PKD1: variants seen among roughly 807,000 people sequenced by gnomAD.
PKD1 encodes polycystin 1, transient receptor potential channel interacting.
Under a neutral mutation model 361.7 loss-of-function variants are expected in PKD1, and 81 were observed. The observed-to-expected ratio is 0.22, with a 90% CI of 0.19 to 0.27. The LOEUF (loss-of-function observed/expected upper bound fraction) is 0.27. PKD1 is among the 10% of genes least tolerant of loss of function. The pLI is 1.00. For synonymous variants in PKD1, 3,615 were observed against 2,818.3 expected, an observed-to-expected ratio of 1.28 and a Z score of -8.95; for missense variants, 6,399 against 6,118.3, an observed-to-expected ratio of 1.05 and a Z score of -1.53.
intron 29 of PKD1, 40 bp downstream of exon 29, chr16:2,099,821 C>G: frequency 3.9e-6 from 6 of 1,556,538 alleles, no homozygotes; most frequent in Non-Finnish European, 5.2e-6. Context: ...GCAGGAAGGG[C>G]TGGGCAGGAA....
intron 1 of PKD1, among the ~76,000 whole-genome samples, chr16:2,125,069 G>A (rs890359034): frequency 2.0e-5 from 3 of 152,246 alleles, no homozygotes; most frequent in Non-Finnish European, 2.9e-5. Context: ...CCCCTTCCTC[G>A]CTGGGCCAGC....
At position 2,117,663 on chromosome 16, in the gene PKD1, G is replaced by A. The variant is rs767579073; in HGVS notation, c.1211C>T (p.Pro404Leu). ...GATCTCCGTGTCCGAGGGGCAGAGC[G>A]GGTGCACCGCTGGAGACCGGTGGGA... ...LGEEPARAVH[P>L]LCPSDTEIFP... Residue 404 changes from proline (P) to leucine (L), a missense_variant, in exon 6 of 46, where the codon CCG (proline) becomes CTG (leucine). Transcript: ENST00000262304. 40 of 1,609,840 alleles carry A rather than the reference G, an allele frequency of 2.5e-5. No homozygotes were observed. Among genetic ancestry groups the A allele is most frequent in the East Asian group, 1.3e-4 (6 of 44,880 alleles).
rs547817567 is a variant in PKD1, at chr16:2,093,691, G to C, written c.10869C>G (p.His3623Gln). The C allele has an allele frequency of 1.9e-6, 3 of 1,602,274 alleles. No individual in the cohort carries two copies. Among genetic ancestry groups the C allele is most frequent in the Non-Finnish European group, 2.6e-6 (3 of 1,174,570 alleles). Residue 3623 changes from histidine (H) to glutamine (Q), a missense_variant, in exon 37 of 46, where the codon CAC (histidine) becomes CAG (glutamine). Physicochemically the swap from His to Gln is conservative, Grantham distance 24. Coordinates refer to ENST00000262304, the MANE Select transcript of PKD1 (RefSeq NM_001009944.3). ...LYFSLVAKRLHPDEDDTLVES... is the reference protein window; with the variant it reads ...LYFSLVAKRLQPDEDDTLVES... ...CTACCAGGGTGTCATCTTCATCCGG[G>C]TGCAGCCGCTTGGCCACCAGTGAGA...
In PKD1 at chr16:2,093,913, T is replaced by G; in HGVS notation, c.10719A>C (p.Ser3573=). ...GGGGGAAGCTCGCACCCACCCACCC[T>G]GAGACAGCCACAGCCACAGCCACCA... is the stretch of plus-strand genomic sequence containing the variant. The part of the protein sequence containing the change: ...LLLVAVAVAV[S]GWVGASFPPG... The change falls in exon 36 of 46, where the codon TCA becomes TCC. Residue 3573 remains serine (S), a synonymous_variant. Transcript: ENST00000262304. 2 of 1,581,810 alleles carry G rather than the reference T, an allele frequency of 1.3e-6. No homozygotes were observed. The highest frequency in any genetic ancestry group is 2.3e-5 in the South Asian group (2 of 87,986).
chr16:2,093,281 G>A (rs1210681246), intron 37 of PKD1, 188 bp from the exon 38 acceptor site: 3 of 734,712 alleles, frequency 4.1e-6, no homozygotes, highest in South Asian at 1.7e-5. Flanking sequence ...CCACCTGGGG[G>A]CAGACACACA....
In PKD1 at chr16:2,115,640, G is replaced by C; in HGVS notation, c.1850-15C>G. 6.3e-7 allele frequency: 1 copy of C among 1,596,122 alleles called. No individual in the cohort carries two copies. The highest frequency in any genetic ancestry group is 8.5e-7 in the Non-Finnish European group (1 of 1,175,874). On this transcript the variant is annotated splice_polypyrimidine_tract_variant and intron_variant, in intron 9 of 45. Transcript: ENST00000262304. ...CTCCGGGGTCCCTGTGAGGAGGGGA[G>C]GGTGTTGGGGCCCTGATTTGCCCAC...
chr16:2,109,847 G>A lies in PKD1; in HGVS notation c.5320C>T (p.Pro1774Ser), dbSNP rs772622026. ...GTCATGGTGACCAAGTGCAGGCCGG[G>A]TGTGGGGAAGCTATGGGTGGTAAAT... ...EPFTTHSFPT[P>S]GLHLVTMTAG... is the part of the protein sequence containing the mutation. The change falls in exon 15 of 46, where the codon CCC becomes TCC. Residue 1774 changes from proline (P) to serine (S), a missense_variant. Pro to Ser is a moderately conservative substitution (Grantham distance 74). Coordinates refer to ENST00000262304, the MANE Select transcript of PKD1 (RefSeq NM_001009944.3). The A allele has an allele frequency of 5.8e-5, 93 of 1,610,574 alleles. No individual in the cohort carries two copies. The highest frequency in any genetic ancestry group is 7.6e-5 in the Non-Finnish European group (90 of 1,179,844).
intron 1 of PKD1, among the ~76,000 whole-genome samples, chr16:2,125,507 C>G (rs2092785947): frequency 6.8e-6 from 1 of 146,990 alleles, no homozygotes; most frequent in Non-Finnish European, 1.5e-5. Context: ...GTGACATGGG[C>G]AGCCTCAGGT....
chr16:2,105,750 G>C (rs1353381771), intron 20 of PKD1, 115 bp downstream of exon 20: 1 of 1,342,174 alleles, frequency 7.5e-7, no homozygotes, highest in South Asian at 1.2e-5. Context: ...AGGGTCACTG[G>C]GATTTATCTC....
chr16:2,105,806 G>C, intron 20 of PKD1, 59 bp downstream of exon 20: 1 of 1,533,678 alleles, frequency 6.5e-7, no homozygotes. Flanking sequence ...CAGGGGTACA[G>C]GTCTTGGTCC....
At position 2,118,244 on chromosome 16, in the gene PKD1, C is replaced by G; in HGVS notation, c.748G>C (p.Gly250Arg). Reference protein sequence around the residue: ...ASFACLSLCSGPPPPPAPTCR... With the variant: ...ASFACLSLCSRPPPPPAPTCR... ...GTGGGGGCAGGAGGTGGCGGGGGGC[C>G]GGAGCAGAGGGACAGGCAGGCAAAG... The change falls in exon 5 of 46, where the codon GGC (glycine) becomes CGC (arginine). Residue 250 changes from glycine to arginine, a missense_variant. Transcript: ENST00000262304. The surrounding 1 kb of genome is among the most constrained non-coding windows in gnomAD (Gnocchi z 6.0). 6.5e-7 allele frequency: 1 copy of G among 1,531,336 alleles called. No individual in the cohort carries two copies. Among genetic ancestry groups the G allele is most frequent in the East Asian group, 2.4e-5 (1 of 40,996 alleles). 94.9% of individuals were successfully genotyped at this position (1,531,336 alleles called of 1,614,324 possible).
At position 2,091,804 on chromosome 16, in the gene PKD1, C is replaced by A; in HGVS notation, c.11514G>T (p.Gln3838His). 2.5e-6 allele frequency: 4 copies of A among 1,610,970 alleles called. No homozygotes were observed. Among genetic ancestry groups the A allele is most frequent in the Non-Finnish European group, 3.4e-6 (4 of 1,179,488 alleles). Residue 3838 changes from glutamine (Q) to histidine (H), a missense_variant, in exon 41 of 46, where the codon CAG becomes CAT. Gln to His is a conservative substitution (Grantham distance 24). Transcript: ENST00000262304. Reference protein sequence around the residue: ...EESRDRLRFLQLHNWLDNRSR... With the variant: ...EESRDRLRFLHLHNWLDNRSR... Reference sequence around the variant, plus strand: ...ACCTGTTGTCCAGCCAGTTGTGCAGCTGCAGGAAGCGCAGCCGGTCGCGGC... The same window carrying A: ...ACCTGTTGTCCAGCCAGTTGTGCAGATGCAGGAAGCGCAGCCGGTCGCGGC...
intron 26 of PKD1, among the ~76,000 whole-genome samples, chr16:2,101,198 G>C (rs2092083206): frequency 1.3e-5 from 2 of 152,078 alleles, no homozygotes; most frequent in Non-Finnish European, 2.9e-5. Flanking sequence ...CGTTAGCCAG[G>C]ATGGTCTCGA....
chr16:2,092,370 G>C, intron 39 of PKD1, 110 bp downstream of exon 39: 1 of 972,140 alleles, frequency 1.0e-6, no homozygotes, highest in Non-Finnish European at 1.6e-6. Flanking sequence ...GGTGTTAAGA[G>C]GGCAAAGGTC....
chr16:2,111,783 G>C lies in PKD1; in HGVS notation c.3384C>G (p.Ser1128=), dbSNP rs530066894. The C allele has an allele frequency of 4.4e-6, 7 of 1,608,366 alleles. No individual in the cohort carries two copies. Among genetic ancestry groups the C allele is most frequent in the Non-Finnish European group, 5.9e-6 (7 of 1,178,806 alleles). Residue 1128 remains serine, a synonymous_variant, in exon 15 of 46, where the codon TCC becomes TCG. Transcript: ENST00000262304. ...VPVSVRASLP[S]VAVGVSDGVL... ...CGCCGTCACTCACACCCACAGCCAC[G>C]GAGGGCAGGGAGGCGCGCACGCTCA...
rs1400378851 is a variant in PKD1, at chr16:2,111,347, C to T, written c.3820G>A (p.Val1274Met). 7 of 1,609,576 alleles carry T rather than the reference C, an allele frequency of 4.3e-6. No homozygotes were observed. The highest frequency in any genetic ancestry group is 1.3e-5 in the African/African-American group (1 of 74,876). Residue 1274 changes from valine (V) to methionine (M), a missense_variant, in exon 15 of 46, where the codon GTG becomes ATG. Transcript: ENST00000262304. ...TGGCCGGCGGGGCTGGCCGCACCCA[C>T]GGTCACTGTGCAGTTCTGTGCCCGC... ...YLRAQNCTVT[V>M]GAASPAGHLA...
Position 2,105,375 on chromosome 16 carries a change from C to A in PKD1, c.7963G>T (p.Val2655Phe), listed in dbSNP as rs146636744. 43 of 1,587,724 alleles carry A rather than the reference C, an allele frequency of 2.7e-5. No individual in the cohort carries two copies. The highest frequency in any genetic ancestry group is 4.1e-5 in the African/African-American group (3 of 73,658). ...TGCTGGATGTCATCCACAGTGTGGA[C>A]CCTCAGGGACACCAGAGTCTCCGTG... The part of the protein sequence containing the change: ...NITETLVSLR[V>F]HTVDDIQQIA... Residue 2655 changes from valine to phenylalanine, a missense_variant, in exon 21 of 46, where the codon GTC becomes TTC. By Grantham distance (50) the Val-to-Phe change is conservative. Transcript: ENST00000262304.
chr16:2,120,580 T>C (rs528680337), intron 1 of PKD1, among the ~76,000 whole-genome samples: 2 of 152,280 alleles, frequency 1.3e-5, no homozygotes, highest in African/African-American at 4.8e-5. Context: ...TGTGTAACTG[T>C]AGTTCCAGCT....
In PKD1 at chr16:2,130,436, C is replaced by T. The variant is rs537600130; in HGVS notation, c.215+5039G>A. ...GCACTGGGGGTCCTTCCAGGCCAGC[C>T]CCCTCCCCATCATCCATCTCTGTCC... On this transcript the variant is annotated intron_variant, in intron 1 of 45. Transcript: ENST00000262304. Among the ~76,000 whole-genome samples, 538 of 152,318 alleles carry T rather than the reference C, an allele frequency of 3.5e-3. 4 individuals are homozygous for T. The highest frequency in any genetic ancestry group is 0.012 in the African/African-American group (502 of 41,584).
Sources: allele counts gnomAD v4.1 joint callset (sites outside exome capture counted in the v4.1 genomes callset), GRCh38; gene constraint gnomAD v4.1.1; non-coding constraint Gnocchi (gnomAD v3.1); transcripts MANE v1.5; gene names NCBI Gene and HGNC (gene_info 2026-07-23, HGNC 2026-07-21).